The following RASSF4 variants were observed in gnomAD, a reference collection of about 807,000 sequenced individuals.
RASSF4 encodes Ras association domain family member 4.
A neutral mutation model predicts 41.1 loss-of-function variants in RASSF4; 38 were observed. The observed-to-expected ratio is 0.92, with a 90% CI of 0.71 to 1.21. The LOEUF (loss-of-function observed/expected upper bound fraction) is 1.21, where lower values mean the gene tolerates loss of function less well. RASSF4 is among the 50% of genes most tolerant of loss of function. RASSF4 has a pLI of 0.00. For synonymous variants in RASSF4, 179 were observed against 163.4 expected (o/e 1.10, Z -0.73); for missense variants, 414 against 419.4 (o/e 0.99, Z 0.11).
At chr10:44,975,181 A>G (rs1223721836) in intron 3 of RASSF4, among the ~76,000 whole-genome samples, 1 of 152,060 alleles carries the variant, frequency 6.6e-6, no homozygotes, top group Non-Finnish European at 1.5e-5. Flanking sequence ...CCCCTCAGCA[A>G]TGAGAGAAAC....
Position 44,964,494 on chromosome 10 carries a change from G to GT in RASSF4, c.-39+4634dup, listed in dbSNP as rs563114339. Among the ~76,000 whole-genome samples the GT allele has an allele frequency of 6.4e-3, 968 of 152,342 alleles. 14 individuals carry two copies. The highest frequency in any genetic ancestry group is 0.022 in the African/African-American group (914 of 41,586). On this transcript the variant is annotated intron_variant, in intron 1 of 10. Transcript: ENST00000340258. Reference sequence around the variant, plus strand: ...GTCCAGCTGCATCTGTCACTCTGTGGTTTTTTGAGCCTGAGCCTGGGTGGC... The same window carrying GT: ...GTCCAGCTGCATCTGTCACTCTGTGGTTTTTTTGAGCCTGAGCCTGGGTGGC...
At chr10:44,982,779 AC>A in intron 4 of RASSF4, 116 bp downstream of exon 4, 1 of 1,154,406 alleles carries the variant, frequency 8.7e-7, no homozygotes, top group Non-Finnish European at 1.2e-6. Context: ...CAGGAGGGTG[AC>A]CCAGCCTCAT....
chr10:44,962,078 A>G (rs1840730350), intron 1 of RASSF4, among the ~76,000 whole-genome samples: 1 of 152,144 alleles, frequency 6.6e-6, no homozygotes, highest in Non-Finnish European at 1.5e-5. Context: ...GGTGTCATTG[A>G]GCCCCATAGC....
chr10:44,993,204 C>A, intron 10 of RASSF4, 65 bp from the exon 11 acceptor site: 1 of 1,435,878 alleles, frequency 7.0e-7, no homozygotes, highest in South Asian at 1.2e-5. Flanking sequence ...AGGTCCCTTG[C>A]TCTGCTGCCC....
At position 44,993,387 on chromosome 10, in the gene RASSF4, T is replaced by G; in HGVS notation, c.*58T>G. 1 of 1,430,024 alleles carries G rather than the reference T, an allele frequency of 7.0e-7. No homozygotes were observed. Among genetic ancestry groups the G allele is most frequent in the Non-Finnish European group, 9.6e-7 (1 of 1,043,268 alleles). The allele number at this position is 1,430,024 out of a possible 1,614,324, so 88.6% of individuals were successfully genotyped here. On this transcript the variant is annotated 3_prime_UTR_variant, in exon 11 of 11. Coordinates refer to ENST00000340258, the MANE Select transcript of RASSF4 (RefSeq NM_032023.4). ...GCAGTGGCAGGTGTACACTGAGCCC[T>G]GGTTGCTGGCCCCGGCCGGTCACAT... is the stretch of plus-strand genomic sequence containing the variant.
At position 44,984,044 on chromosome 10, in the gene RASSF4, G is replaced by C. The variant is rs202044902; in HGVS notation, c.304G>C (p.Gly102Arg). 8.1e-6 allele frequency: 13 copies of C among 1,604,226 alleles called. No individual in the cohort carries two copies. In the Admixed American group the frequency reaches 1.0e-4, roughly 13 times the overall value. ...CAGAAAGGAGCCATCGCCCCAGAAC[G>C]GGAACATCACAGCCCAGGGGCCAAG... Reference protein sequence around the residue: ...CPLKEPSPQNGNITAQGPSIQ... With the variant: ...CPLKEPSPQNRNITAQGPSIQ... Residue 102 changes from glycine (G) to arginine (R), a missense_variant, in exon 5 of 11, where the codon GGG becomes CGG. Gly to Arg is a moderately radical substitution (Grantham distance 125). Coordinates refer to ENST00000340258, the MANE Select transcript of RASSF4 (RefSeq NM_032023.4).
chr10:44,993,411 A>G lies in RASSF4; in HGVS notation c.*82A>G. 1.8e-6 allele frequency: 2 copies of G among 1,114,092 alleles called. No individual in the cohort carries two copies. The highest frequency in any genetic ancestry group is 1.3e-5 in the South Asian group (1 of 74,516). The allele number at this position is 1,114,092 out of a possible 1,614,324, so 69.0% of individuals were successfully genotyped here. ...CTGGTTGCTGGCCCCGGCCGGTCAC[A>G]TTGACTGATGGCCACCGCCTGACGA... On this transcript the variant is annotated 3_prime_UTR_variant, in exon 11 of 11. Transcript: ENST00000340258.
intron 3 of RASSF4, chr10:44,978,250 G>A: frequency 1.8e-6 from 1 of 542,948 alleles, no homozygotes; most frequent in Non-Finnish European, 3.2e-6. Flanking sequence ...AAAGGCTTAA[G>A]ATTTTATCAT....
At chr10:44,987,814 C>T in intron 6 of RASSF4, among the ~76,000 whole-genome samples, 1 of 152,034 alleles carries the variant, frequency 6.6e-6, no homozygotes, top group East Asian at 1.9e-4. Context: ...AGTACTGTCT[C>T]ACCCTTAAGA....
At chr10:44,990,328 C>T (rs1336516033) in intron 8 of RASSF4, among the ~76,000 whole-genome samples, 1 of 152,230 alleles carries the variant, frequency 6.6e-6, no homozygotes, top group African/African-American at 2.4e-5. Context: ...AGGAGAAGAA[C>T]AAACAGAAGT....
chr10:44,981,665 C>T (rs1841712281), intron 3 of RASSF4: 1 of 152,236 alleles, frequency 6.6e-6, no homozygotes, highest in South Asian at 2.1e-4. Flanking sequence ...GCAAATGACT[C>T]AGCTTGGCCA....
At chr10:44,980,019 A>T (rs1841638116) in intron 3 of RASSF4, among the ~76,000 whole-genome samples, 1 of 152,104 alleles carries the variant, frequency 6.6e-6, no homozygotes, top group Non-Finnish European at 1.5e-5. Context: ...CAGGCCACAG[A>T]TCCTCTGCCC....
intron 10 of RASSF4, among the ~76,000 whole-genome samples, chr10:44,992,401 G>A (rs1232396274): frequency 6.6e-6 from 1 of 152,242 alleles, no homozygotes; most frequent in African/African-American, 2.4e-5. Flanking sequence ...AGGGCCTTTT[G>A]TCCTAGTGGG....
chr10:44,982,329 T>C, intron 3 of RASSF4, 192 bp from the exon 4 acceptor site: 1 of 715,784 alleles, frequency 1.4e-6, no homozygotes, highest in South Asian at 1.6e-5. Context: ...TGAGCACATC[T>C]CAGGCTCCCT....
In RASSF4 at chr10:44,993,603, T is replaced by G; in HGVS notation, c.*274T>G. On this transcript the variant is annotated 3_prime_UTR_variant, in exon 11 of 11. Coordinates refer to ENST00000340258, the MANE Select transcript of RASSF4 (RefSeq NM_032023.4). ...AGCCCTGTCCACACCATGCCTCTCC[T>G]GCACTGGAGAGCAGTGCTGGCCCAG... is the stretch of plus-strand genomic sequence containing the variant. The G allele has an allele frequency of 6.2e-6, 3 of 486,638 alleles. No homozygotes were observed. The highest frequency in any genetic ancestry group is 3.3e-5 in the East Asian group (1 of 30,246). 30.1% of individuals were successfully genotyped at this position (486,638 alleles called of 1,614,324 possible). A position where few individuals can be genotyped will look rare whatever the true frequency, so the allele number is the denominator to read the frequency against.
At chr10:44,978,064 A>T in intron 3 of RASSF4, 1 of 1,589,028 alleles carries the variant, frequency 6.3e-7, no homozygotes, top group Non-Finnish European at 8.5e-7. Context: ...ACCTGTTGGG[A>T]AACAGAAGCC....
At chr10:44,981,699 A>G (rs1841713370) in intron 3 of RASSF4, 1 of 152,328 alleles carries the variant, frequency 6.6e-6, no homozygotes, top group East Asian at 1.9e-4. Context: ...AGTGACCGGG[A>G]TTGGCACAGA....
chr10:44,984,522 G>C (rs1841843526), intron 5 of RASSF4: 2 of 516,870 alleles, frequency 3.9e-6, no homozygotes, highest in Non-Finnish European at 6.9e-6. Context: ...TTTCAGAGCA[G>C]GGGCTCAGAA....
rs979857193 is a variant in RASSF4, at chr10:44,970,117, G to A, written c.-38-48G>A. 144 of 1,175,544 alleles carry A rather than the reference G, an allele frequency of 1.2e-4. 1 individual carries two copies. The highest frequency in any genetic ancestry group is 1.4e-4 in the Non-Finnish European group (112 of 786,636). The allele number at this position is 1,175,544 out of a possible 1,614,324, so 72.8% of individuals were successfully genotyped here. A position where few individuals can be genotyped will look rare whatever the true frequency, so the allele number is the denominator to read the frequency against. The stretch of plus-strand genomic sequence containing the variant: ...GCGGGTGTTGGGTGCTGCACTGGCC[G>A]GCACTCCTCTGGCTCACCTGTCTGT... On this transcript the variant is annotated intron_variant, in intron 1 of 10. Coordinates refer to ENST00000340258, the MANE Select transcript of RASSF4 (RefSeq NM_032023.4).
Sources: gnomAD v4.1 joint callset for allele counts (sites outside exome capture counted in the v4.1 genomes callset) on GRCh38, gnomAD v4.1.1 for gene constraint, MANE v1.5 for transcripts, NCBI Gene and HGNC (gene_info 2026-07-23, HGNC 2026-07-21) for gene names.